The following ARHGAP11B variants were observed in gnomAD, a reference collection of about 807,000 sequenced individuals.
ARHGAP11B encodes the protein inactive Rho GTPase-activating protein 11B.
Under a neutral mutation model 27.6 loss-of-function variants are expected in ARHGAP11B, and 14 were observed. The ratio of observed to expected loss-of-function variants is 0.51; its 90% CI spans 0.34 to 0.79. The LOEUF (loss-of-function observed/expected upper bound fraction) is 0.79, where lower values mean the gene tolerates loss of function less well. ARHGAP11B is among the 30% of genes least tolerant of loss of function. ARHGAP11B has a pLI of 0.02. For missense variants in ARHGAP11B, 245 were observed against 320.1 expected, an observed-to-expected ratio of 0.77 and a Z score of 1.79; for synonymous variants, 82 against 114.1, an observed-to-expected ratio of 0.72 and a Z score of 1.80.
At chr15:30,640,451 C>T (rs1243581298) in intron 7 of ARHGAP11B, among the ~76,000 whole-genome samples, 1 of 125,328 alleles carries the variant, frequency 8.0e-6, no homozygotes, top group African/African-American at 3.0e-5. Flanking sequence ...TAGTCTGGGT[C>T]TTAGATTCAA....
rs568998515 is a variant in ARHGAP11B at position 30,648,161 on chromosome 15, T to C, written c.*372-143T>C. Among the ~76,000 whole-genome samples, 7 of 152,196 alleles carry C rather than the reference T, an allele frequency of 4.6e-5. No homozygotes were observed. The East Asian group carries it at 1.2e-3, about 25-fold the overall frequency. On this transcript the variant is annotated intron_variant, in intron 10 of 10. Transcript: ENST00000428041. ...CAACCCTGATCCCTGTGTATTAATT[T>C]AGTTATACTTCCTCAAAGTTTCCCT...
At chr15:30,630,165 A>G (rs1010191145) in intron 1 of ARHGAP11B, among the ~76,000 whole-genome samples, 4 of 152,138 alleles carry the variant, frequency 2.6e-5, no homozygotes, top group African/African-American at 7.2e-5. Flanking sequence ...GCACTCTTCT[A>G]TAGAAGGTGG....
intron 6 of ARHGAP11B, among the ~76,000 whole-genome samples, chr15:30,637,361 C>G (rs938644224): frequency 5.9e-5 from 9 of 152,236 alleles, no homozygotes; most frequent in African/African-American, 2.2e-4. Flanking sequence ...GGTTCTACCT[C>G]TTCCTCTACC....
chr15:30,648,298 T>A (rs1195854969), intron 10 of ARHGAP11B, among the ~76,000 whole-genome samples: 1 of 152,054 alleles, frequency 6.6e-6, no homozygotes. Flanking sequence ...TCCTTACTTT[T>A]TATAGGAGCA....
chr15:30,629,250 A>C (rs1307072032), intron 1 of ARHGAP11B, among the ~76,000 whole-genome samples: 1 of 152,040 alleles, frequency 6.6e-6, no homozygotes, highest in Non-Finnish European at 1.5e-5. Context: ...TAAGATGTAA[A>C]ACCTGGCATT....
intron 1 of ARHGAP11B, among the ~76,000 whole-genome samples, chr15:30,628,305 T>C (rs1393635970): frequency 1.3e-5 from 2 of 151,820 alleles, no homozygotes; most frequent in Non-Finnish European, 2.9e-5. Flanking sequence ...ATGGTCTCGA[T>C]CTCCTGCCCT....
intron 3 of ARHGAP11B, 136 bp from the exon 4 acceptor site, chr15:30,634,034 A>T (rs2060262717): frequency 1.7e-6 from 1 of 601,758 alleles, no homozygotes. Context: ...TTAAAAATAA[A>T]GTAGTGACAT....
exon 2 of ARHGAP11B, chr15:30,630,704 G>A (rs372707643): frequency 1.2e-6 from 2 of 1,604,004 alleles, no homozygotes; most frequent in African/African-American, 1.3e-5. Flanking sequence ...TCATTTTAGG[G>A]TAAAATATTT....
rs574845596 is a variant in ARHGAP11B at position 30,630,181 on chromosome 15, G to A, written c.130-522G>A. Among the ~76,000 whole-genome samples the A allele has an allele frequency of 3.3e-4, 50 of 152,226 alleles. No homozygotes were observed. The South Asian group carries it at 0.01, about 31-fold the overall frequency. Reference sequence around the variant, plus strand: ...CACTCTTCTATAGAAGGTGGAAAATGTATTAGGTATAAAAATAACCTCTTC... The same window carrying A: ...CACTCTTCTATAGAAGGTGGAAAATATATTAGGTATAAAAATAACCTCTTC... On this transcript the variant is annotated intron_variant, in intron 1 of 10. Transcript: ENST00000428041.
At chr15:30,635,016 G>A (rs980228275) in intron 4 of ARHGAP11B, 64 bp from the exon 5 acceptor site, 48 of 1,539,874 alleles carry the variant, frequency 3.1e-5, no homozygotes, top group Middle Eastern at 3.4e-4. Flanking sequence ...TACTACATAC[G>A]TTATTTTAAC....
chr15:30,643,806 G>A (rs2060329002), intron 7 of ARHGAP11B, among the ~76,000 whole-genome samples: 1 of 152,008 alleles, frequency 6.6e-6, no homozygotes, highest in Non-Finnish European at 1.5e-5. Context: ...AATTAGTAAA[G>A]GTTTTAAGAA....
intron 10 of ARHGAP11B, among the ~76,000 whole-genome samples, chr15:30,647,866 C>A (rs991803454): frequency 6.6e-6 from 1 of 151,940 alleles, no homozygotes. Flanking sequence ...TATGGGCATT[C>A]CAATTATAAA....
chr15:30,633,967 C>A (rs558257754), intron 3 of ARHGAP11B, among the ~76,000 whole-genome samples: 4 of 150,240 alleles, frequency 2.7e-5, no homozygotes, highest in Admixed American at 6.7e-5. Flanking sequence ...TGAAGCCAGC[C>A]CAGGCCACAT....
At position 30,637,680 on chromosome 15, in the gene ARHGAP11B, G is replaced by A. The variant is rs575385143; in HGVS notation, c.*4-1066G>A. Among the ~76,000 whole-genome samples, 22 of 152,020 alleles carry A rather than the reference G, an allele frequency of 1.4e-4. No homozygotes were observed. In the East Asian group the frequency reaches 3.1e-3, roughly 22 times the overall value. ...ACCTGGGAGGCGGAGGTTGTCGTTG[G>A]CTGAGATCGGGCCACTGCACTCCAG... On this transcript the variant is annotated intron_variant, in intron 6 of 10. Transcript: ENST00000428041.
intron 9 of ARHGAP11B, among the ~76,000 whole-genome samples, chr15:30,646,738 G>T (rs1473950815): frequency 6.6e-6 from 1 of 151,784 alleles, no homozygotes; most frequent in African/African-American, 2.4e-5. Flanking sequence ...GGGAGGCTGA[G>T]GCGGGTGGAT....
At chr15:30,627,703 AAAAT>A (rs1485965360) in intron 1 of ARHGAP11B, among the ~76,000 whole-genome samples, 2 of 152,076 alleles carry the variant, frequency 1.3e-5, no homozygotes, top group Non-Finnish European at 2.9e-5. Flanking sequence ...TGCATTGTGA[AAAAT>A]AAGCTGAATG....
intron 6 of ARHGAP11B, among the ~76,000 whole-genome samples, chr15:30,636,812 A>G (rs1053738892): frequency 3.3e-5 from 5 of 152,094 alleles, no homozygotes; most frequent in Non-Finnish European, 7.4e-5. Context: ...GCGTCACTCC[A>G]ATCCCTGCCT....
chr15:30,632,490 T>G (rs1240695212), intron 2 of ARHGAP11B, among the ~76,000 whole-genome samples: 1 of 151,952 alleles, frequency 6.6e-6, no homozygotes, highest in East Asian at 1.9e-4. Flanking sequence ...GAATCATGAC[T>G]AAATCTTCAT....
At chr15:30,641,505 T>G (rs913300100) in intron 7 of ARHGAP11B, 1 of 151,602 alleles carries the variant, frequency 6.6e-6, no homozygotes, top group African/African-American at 2.4e-5. Flanking sequence ...CTGGCTAATT[T>G]TCTTTTGCAT....
Sources: gnomAD v4.1 joint callset for allele counts (sites outside exome capture counted in the v4.1 genomes callset) on GRCh38, gnomAD v4.1.1 for gene constraint, MANE v1.5 for transcripts, NCBI Gene and HGNC (gene_info 2026-07-23, HGNC 2026-07-21) for gene names.